Variants in XIAP observed in about 807,000 individuals in gnomAD.
The protein encoded by XIAP is E3 ubiquitin-protein ligase XIAP.
XIAP carries 3 observed loss-of-function variants against 33.1 expected under a neutral mutation model. That is an observed-to-expected ratio of 0.09 (90% CI 0.04 to 0.23). The LOEUF is 0.23. Among genes scored for constraint, XIAP ranks in the 10% least tolerant of loss-of-function variants. The pLI is 1.00. For synonymous variants in XIAP, 98 were observed against 121.3 expected, an observed-to-expected ratio of 0.81 and a Z score of 1.26; for missense variants, 264 against 363.0, an observed-to-expected ratio of 0.73 and a Z score of 2.22.
In XIAP at chrX:123,908,260, G is replaced by A. The variant is rs1258466754; in HGVS notation, c.*1079G>A. On this transcript the variant is annotated 3_prime_UTR_variant, in exon 7 of 7. Coordinates refer to ENST00000371199, the MANE Select transcript of XIAP (RefSeq NM_001167.4). ...TGTGGATGAAAAATATTTCTGAGTG[G>A]TAGTTTTTTGACAGGTAGACCATGT... The A allele has an allele frequency of 5.5e-6, 2 of 363,684 alleles. No homozygotes were observed. The highest frequency in any genetic ancestry group is 6.3e-5 in the East Asian group (1 of 15,936). The allele number at this position is 363,684 out of a possible 1,213,427, so 30.0% of individuals were successfully genotyped here.
At position 123,886,020 on chromosome X, in the gene XIAP, T is replaced by G; in HGVS notation, c.358T>G (p.Tyr120Asp). ...IQNGQYKVENYLGSRDHFALD... is the reference protein window; with the variant it reads ...IQNGQYKVENDLGSRDHFALD... ...GAATGGTCAGTACAAAGTTGAAAACTATCTGGGAAGCAGAGATCATTTTGC... is the reference window on the plus strand; with the variant it reads ...GAATGGTCAGTACAAAGTTGAAAACGATCTGGGAAGCAGAGATCATTTTGC... The change falls in exon 2 of 7, where the codon TAT becomes GAT. Residue 120 changes from tyrosine to aspartate, a missense_variant. Transcript: ENST00000371199. 2 of 1,211,879 alleles carry G rather than the reference T, an allele frequency of 1.7e-6. No individual in the cohort carries two copies. The highest frequency in any genetic ancestry group is 2.2e-5 in the Admixed American group (1 of 46,015).
chrX:123,878,930 C>G (rs1346790624), intron 1 of XIAP: 2 of 114,252 alleles, frequency 1.8e-5, no homozygotes, highest in Non-Finnish European at 3.7e-5. Flanking sequence ...CTGACTGTTC[C>G]CAGTAACATT....
rs1274837578 is a variant in XIAP, at chrX:123,912,451, A to G, written c.*5270A>G. ...AAGTATATGATGCCAGCCTGGACAAAAGGCAAAACCCTGTCTCTACAAAAA... is the reference window on the plus strand; with the variant it reads ...AAGTATATGATGCCAGCCTGGACAAGAGGCAAAACCCTGTCTCTACAAAAA... On this transcript the variant is annotated 3_prime_UTR_variant, in exon 7 of 7. Coordinates refer to ENST00000371199, the MANE Select transcript of XIAP (RefSeq NM_001167.4). 3 of 328,630 alleles carry G rather than the reference A, an allele frequency of 9.1e-6. No homozygotes were observed. The East Asian group carries it at 2.9e-4, about 32-fold the overall frequency. 27.1% of individuals were successfully genotyped at this position (328,630 alleles called of 1,213,427 possible).
At chrX:123,869,009 G>A (rs1231305385) in intron 1 of XIAP, among the ~76,000 whole-genome samples, 1 of 110,197 alleles carries the variant, frequency 9.1e-6, no homozygotes, top group Non-Finnish European at 1.9e-5. Flanking sequence ...GTATTTTCGA[G>A]GATATGGGTC....
intron 5 of XIAP, among the ~76,000 whole-genome samples, chrX:123,898,084 T>C (rs998431028): frequency 2.7e-5 from 3 of 112,259 alleles, no homozygotes; most frequent in African/African-American, 9.7e-5. Flanking sequence ...TTTTTTCTCC[T>C]GTATTGGTTA....
chrX:123,883,264 G>A (rs7055240), intron 1 of XIAP, among the ~76,000 whole-genome samples: 20,774 of 105,311 alleles, frequency 0.2, 1,472 homozygotes, highest in South Asian at 0.4. Flanking sequence ...TGTATTTTTA[G>A]TAGAGGTGGG....
At chrX:123,891,685 G>A (rs996178167) in intron 4 of XIAP, among the ~76,000 whole-genome samples, 2 of 110,017 alleles carry the variant, frequency 1.8e-5, no homozygotes, top group Non-Finnish European at 3.8e-5. Flanking sequence ...AGCCAGACTT[G>A]TGGTACATGC....
chrX:123,906,855 C>T lies in XIAP; in HGVS notation c.1301-133C>T, dbSNP rs1029588768. The T allele has an allele frequency of 6.0e-5, 43 of 711,584 alleles. No individual in the cohort carries two copies. In the East Asian group the frequency reaches 1.1e-3, roughly 18 times the overall value. The allele number at this position is 711,584 out of a possible 1,213,427, so 58.6% of individuals were successfully genotyped here. On this transcript the variant is annotated intron_variant, in intron 6 of 6. Transcript: ENST00000371199. The stretch of plus-strand genomic sequence containing the variant: ...GTGAGCTATTTAAGAGCAGATGCCA[C>T]GGGTGAGTCATCCTCATATCTCCCG...
chrX:123,866,048 C>G (rs775851275), intron 1 of XIAP, among the ~76,000 whole-genome samples: 1 of 110,866 alleles, frequency 9.0e-6, no homozygotes, highest in South Asian at 3.8e-4. Context: ...TCAGGCAATT[C>G]TCCTGCCTCA....
At chrX:123,880,804 A>G (rs1410713714) in intron 1 of XIAP, among the ~76,000 whole-genome samples, 1 of 108,462 alleles carries the variant, frequency 9.2e-6, no homozygotes, top group Non-Finnish European at 1.9e-5. Flanking sequence ...AGGGTTTTGT[A>G]TGTGCCTTTG....
At chrX:123,888,305 G>A (rs776937195) in intron 2 of XIAP, among the ~76,000 whole-genome samples, 1 of 112,038 alleles carries the variant, frequency 8.9e-6, no homozygotes, top group South Asian at 3.7e-4. Flanking sequence ...ATTGCACTCC[G>A]GTCTGGGGAA....
At chrX:123,889,081 T>C (rs2053380480) in intron 3 of XIAP, among the ~76,000 whole-genome samples, 1 of 99,307 alleles carries the variant, frequency 1.0e-5, no homozygotes, top group Admixed American at 1.1e-4. Flanking sequence ...ACTGCCACCA[T>C]GCCTGGCTAA....
intron 1 of XIAP, among the ~76,000 whole-genome samples, chrX:123,879,718 T>C (rs1444380836): frequency 8.9e-6 from 1 of 112,172 alleles, no homozygotes; most frequent in Non-Finnish European, 1.9e-5. Flanking sequence ...TTAATATTAC[T>C]TTCCGAGTCT....
At chrX:123,897,713 C>T (rs1473435612) in intron 5 of XIAP, among the ~76,000 whole-genome samples, 1 of 111,607 alleles carries the variant, frequency 9.0e-6, no homozygotes, top group Non-Finnish European at 1.9e-5. Context: ...CAGGCACATG[C>T]CACTGCGCCC....
rs186793202 is a variant in XIAP at position 123,893,237 on chromosome X, C to T, written c.1099+464C>T. ...ATTACTATAAATTTAAGAATTTAGG[C>T]GGCCGGGCGTGGTAGCTCACGCCTG... On this transcript the variant is annotated intron_variant, in intron 5 of 6. Coordinates refer to ENST00000371199, the MANE Select transcript of XIAP (RefSeq NM_001167.4). Among the ~76,000 whole-genome samples the T allele has an allele frequency of 5.5e-3, 605 of 109,531 alleles. 3 individuals carry two copies. The highest frequency in any genetic ancestry group is 9.5e-3 in the Middle Eastern group (2 of 210).
rs2148114171 is a variant in XIAP at position 123,909,608 on chromosome X, A to G, written c.*2427A>G. 1 of 327,404 alleles carries G rather than the reference A, an allele frequency of 3.1e-6. No homozygotes were observed. Among genetic ancestry groups the G allele is most frequent in the South Asian group, 2.6e-5 (1 of 38,325 alleles). 27.0% of individuals were successfully genotyped at this position (327,404 alleles called of 1,213,427 possible). A position where few individuals can be genotyped will look rare whatever the true frequency, so the allele number is the denominator to read the frequency against. The stretch of plus-strand genomic sequence containing the variant: ...AATCTAGTTGTTAGCCAAGGACTCA[A>G]GGACTGAATTGTTTTAACATAAGGC... On this transcript the variant is annotated 3_prime_UTR_variant, in exon 7 of 7. Transcript: ENST00000371199.
intron 5 of XIAP, among the ~76,000 whole-genome samples, chrX:123,896,307 T>C (rs2053459941): frequency 9.0e-6 from 1 of 110,677 alleles, no homozygotes; most frequent in Middle Eastern, 4.6e-3. Context: ...GCTCAAACAA[T>C]CTGCCTCCCT....
Position 123,907,861 on chromosome X carries a change from T to G in XIAP, c.*680T>G, listed in dbSNP as rs1488299768. The G allele has an allele frequency of 2.7e-6, 1 of 377,052 alleles. No individual in the cohort carries two copies. The highest frequency in any genetic ancestry group is 5.0e-6 in the Non-Finnish European group (1 of 201,321). 31.1% of individuals were successfully genotyped at this position (377,052 alleles called of 1,213,427 possible). On this transcript the variant is annotated 3_prime_UTR_variant, in exon 7 of 7. Transcript: ENST00000371199. ...GCAAGTGGCAAAACACTATGTATAG[T>G]CTGAGCCAGATCAAAGTATGTATGT...
rs1013016613 is a variant in XIAP at position 123,909,905 on chromosome X, T to G, written c.*2724T>G. The G allele has an allele frequency of 6.1e-6, 2 of 328,185 alleles. No homozygotes were observed. Among genetic ancestry groups the G allele is most frequent in the African/African-American group, 5.3e-5 (2 of 37,664 alleles). The allele number at this position is 328,185 out of a possible 1,213,427, so 27.0% of individuals were successfully genotyped here. On this transcript the variant is annotated 3_prime_UTR_variant, in exon 7 of 7. Transcript: ENST00000371199. ...TAAAAAGCACCGGATCTTTTCCATC[T>G]AATTCCGCAAAAATTGATCATTTGC...
Sources: allele counts gnomAD v4.1 joint callset (sites outside exome capture counted in the v4.1 genomes callset), GRCh38; gene constraint gnomAD v4.1.1; transcripts MANE v1.5; gene names NCBI Gene and HGNC (gene_info 2026-07-23, HGNC 2026-07-21).